TENM3: variants seen among roughly 807,000 people sequenced by gnomAD.
TENM3 encodes the protein teneurin transmembrane protein 3.
In TENM3, 63 loss-of-function variants were observed where a neutral mutation model predicts 255.1. The observed-to-expected ratio is 0.25, with a 90% CI of 0.20 to 0.30. The LOEUF (loss-of-function observed/expected upper bound fraction) is 0.30, where lower values mean the gene tolerates loss of function less well. Ranked by LOEUF, TENM3 falls within the 10% of genes least tolerant of loss-of-function variation. TENM3 has a pLI of 1.00. For missense variants in TENM3, 2,929 were observed against 3,461.1 expected, an observed-to-expected ratio of 0.85 and a Z score of 3.86; for synonymous variants, 1,306 against 1,322.3, an observed-to-expected ratio of 0.99 and a Z score of 0.27.
At position 182,354,842 on chromosome 4, in the gene TENM3, C is replaced by T. The variant is rs114137362; in HGVS notation, c.511+7913C>T. The stretch of plus-strand genomic sequence containing the variant: ...ATGACTATTGCCTTGACTTTAGTCA[C>T]GCAGAACCTGAAAACTAAATAAAGG... On this transcript the variant is annotated intron_variant, in intron 3 of 27. Transcript: ENST00000511685. Among the ~76,000 whole-genome samples, 192 of 152,238 alleles carry T rather than the reference C, an allele frequency of 1.3e-3. 1 individual carries two copies. Among genetic ancestry groups the T allele is most frequent in the African/African-American group, 4.4e-3 (184 of 41,538 alleles).
chr4:182,792,320 A>ACGAAT lies in TENM3; in HGVS notation c.5651_5652insATCGA (p.Asp1884GlufsTer96), dbSNP rs1313303240. 6.2e-7 allele frequency: 1 copy of ACGAAT among 1,613,964 alleles called. No individual in the cohort carries two copies. Among genetic ancestry groups the ACGAAT allele is most frequent in the Non-Finnish European group, 8.5e-7 (1 of 1,179,890 alleles). On this transcript the variant is annotated frameshift_variant, in exon 26 of 28. Transcript: ENST00000511685. LOFTEE classifies it high-confidence loss of function. This position sits in a 1 kb window ranked among gnomAD's most constrained non-coding sequence, Gnocchi z 6.3. ...AGCCAGCGGCAGTACATCTTCGAAT[A>ACGAAT]CGATATGTGGGACCGCCTGTCTGCC...
intron 3 of TENM3, chr4:182,349,850 T>C (rs886725461): frequency 2.3e-5 from 9 of 385,466 alleles, no homozygotes; most frequent in African/African-American, 1.9e-4. Context: ...GCTTGAGATG[T>C]GTTCTTGGAA....
At chr4:182,508,048 T>A (rs1737016861) in intron 3 of TENM3, among the ~76,000 whole-genome samples, 2 of 152,192 alleles carry the variant, frequency 1.3e-5, no homozygotes, top group African/African-American at 4.8e-5. Context: ...GTTCTGTCAC[T>A]AACTAACTGG....
At chr4:181,650,890 G>C in the TENM3 span, among the ~76,000 whole-genome samples, 2 of 152,182 alleles carry the variant, frequency 1.3e-5, no homozygotes, top group East Asian at 3.9e-4. Context: ...AGTCCTGTTC[G>C]AATTAAAATG....
intron 3 of TENM3, among the ~76,000 whole-genome samples, chr4:182,353,966 G>GAA (rs33947631): frequency 2.0e-4 from 27 of 132,680 alleles, no homozygotes; most frequent in Admixed American, 3.8e-4. Flanking sequence ...ACTCCAGCTG[G>GAA]AAAAAAAAAA....
intron 1 of TENM3, among the ~76,000 whole-genome samples, chr4:182,226,161 G>T (rs944577190): frequency 9.9e-5 from 15 of 152,230 alleles, no homozygotes; most frequent in African/African-American, 3.4e-4. Flanking sequence ...CGAAAAGCTG[G>T]GTGGGGTGTC....
At chr4:182,018,850 C>T in the TENM3 span, among the ~76,000 whole-genome samples, 2 of 151,982 alleles carry the variant, frequency 1.3e-5, no homozygotes, top group Non-Finnish European at 2.9e-5. Flanking sequence ...CTATAGTAAC[C>T]CTGCAAGGAT....
chr4:182,346,999 G>GT lies in TENM3; in HGVS notation c.511+70_511+71insT, dbSNP rs1397346251. 2.6e-6 allele frequency: 3 copies of GT among 1,150,662 alleles called. 1 individual carries two copies. Among genetic ancestry groups the GT allele is most frequent in the Non-Finnish European group, 1.2e-6 (1 of 841,640 alleles). The allele number at this position is 1,150,662 out of a possible 1,614,324, so 71.3% of individuals were successfully genotyped here. ...TGTCTGTTTTGGTTGACTCCGCGGG[G>GT]GGGGATGTTTTTCTTTCTCTCCTTC... On this transcript the variant is annotated intron_variant, in intron 3 of 27. Transcript: ENST00000511685.
intron 3 of TENM3, among the ~76,000 whole-genome samples, chr4:182,374,736 G>A (rs899334901): frequency 7.9e-5 from 12 of 151,966 alleles, no homozygotes; most frequent in African/African-American, 2.9e-4. Context: ...CCTGTCTTTT[G>A]TCCTTTTCTT....
chr4:182,389,032 C>T (rs1768216747), intron 3 of TENM3, among the ~76,000 whole-genome samples: 1 of 152,116 alleles, frequency 6.6e-6, no homozygotes, highest in South Asian at 2.1e-4. Context: ...TGCAACATCC[C>T]TATAGAAATG....
chr4:181,959,685 AG>A, the TENM3 span, among the ~76,000 whole-genome samples: 1 of 152,178 alleles, frequency 6.6e-6, no homozygotes, highest in Non-Finnish European at 1.5e-5. Flanking sequence ...AAATGTTGAA[AG>A]AAAAAAACAT....
At chr4:182,302,201 CT>C (rs1761892999) in intron 1 of TENM3, among the ~76,000 whole-genome samples, 1 of 152,148 alleles carries the variant, frequency 6.6e-6, no homozygotes, top group Non-Finnish European at 1.5e-5. Flanking sequence ...CTCCCTTAGC[CT>C]TTTCTCATTT....
chr4:181,506,771 T>C, the TENM3 span, among the ~76,000 whole-genome samples: 4 of 151,902 alleles, frequency 2.6e-5, no homozygotes, highest in African/African-American at 9.6e-5. Flanking sequence ...CAGAGAGGGA[T>C]AGCCTTTACA....
chr4:181,647,856 G>A, the TENM3 span, among the ~76,000 whole-genome samples: 1 of 152,160 alleles, frequency 6.6e-6, no homozygotes, highest in Non-Finnish European at 1.5e-5. Flanking sequence ...GAGGGAAATA[G>A]GCTCTGAACA....
the TENM3 span, among the ~76,000 whole-genome samples, chr4:181,741,861 C>T: frequency 5.9e-5 from 9 of 152,210 alleles, no homozygotes; most frequent in Middle Eastern, 3.4e-3. Flanking sequence ...ACATCACAAC[C>T]GTATTATTAT....
At chr4:181,877,590 CA>C in the TENM3 span, among the ~76,000 whole-genome samples, 1 of 152,008 alleles carries the variant, frequency 6.6e-6, no homozygotes, top group Non-Finnish European at 1.5e-5. Context: ...TCACTTAAGG[CA>C]AATCCCAAGG....
chr4:181,460,470 T>C, the TENM3 span, among the ~76,000 whole-genome samples: 1 of 151,900 alleles, frequency 6.6e-6, no homozygotes, highest in Non-Finnish European at 1.5e-5. Context: ...TTTTAATTGG[T>C]GCTTATTTTT....
intron 7 of TENM3, among the ~76,000 whole-genome samples, chr4:182,675,085 A>G (rs770427612): frequency 1.3e-5 from 2 of 150,894 alleles, no homozygotes; most frequent in East Asian, 2.0e-4. Flanking sequence ...CATGTTGGTC[A>G]GGCTGGTCCC....
At chr4:182,432,088 A>C (rs1422868735) in intron 3 of TENM3, among the ~76,000 whole-genome samples, 1 of 151,844 alleles carries the variant, frequency 6.6e-6, no homozygotes, top group East Asian at 1.9e-4. Flanking sequence ...AAAAAAAAAA[A>C]AAGAAAGAAA....
Sources: allele counts gnomAD v4.1 joint callset (sites outside exome capture counted in the v4.1 genomes callset), GRCh38; gene constraint gnomAD v4.1.1; non-coding constraint Gnocchi (gnomAD v3.1); transcripts MANE v1.5; gene names NCBI Gene and HGNC (gene_info 2026-07-23, HGNC 2026-07-21).